MIPEP: variants seen among roughly 807,000 people sequenced by gnomAD.
MIPEP encodes the protein mitochondrial intermediate peptidase.
A neutral mutation model predicts 90.3 loss-of-function variants in MIPEP; 79 were observed. The ratio of observed to expected loss-of-function variants is 0.87; its 90% CI spans 0.73 to 1.05. The LOEUF is 1.05. MIPEP is among the 50% of genes least tolerant of loss of function. The pLI, the probability that MIPEP is intolerant of heterozygous loss-of-function variation, is 0.00. For synonymous variants in MIPEP, 334 were observed against 315.8 expected, an observed-to-expected ratio of 1.06 and a Z score of -0.61; for missense variants, 940 against 905.6, an observed-to-expected ratio of 1.04 and a Z score of -0.49.
intron 10 of MIPEP, among the ~76,000 whole-genome samples, chr13:23,850,704 G>A (rs1869762715): frequency 6.6e-6 from 1 of 152,210 alleles, no homozygotes; most frequent in African/African-American, 2.4e-5. Context: ...TCGCCATAGA[G>A]GCTGGGGCCA....
chr13:23,832,050 AGC>A (rs1198817873), intron 14 of MIPEP, among the ~76,000 whole-genome samples: 2 of 152,300 alleles, frequency 1.3e-5, no homozygotes, highest in East Asian at 3.9e-4. Context: ...TTGAAATTTA[AGC>A]CCCAATGGGG....
chr13:23,832,634 C>T (rs1157530980), intron 14 of MIPEP, among the ~76,000 whole-genome samples: 1 of 152,130 alleles, frequency 6.6e-6, no homozygotes, highest in Non-Finnish European at 1.5e-5. Flanking sequence ...TCTACAAGCA[C>T]TGAGAAGAGA....
At chr13:23,780,883 G>A (rs1326154977) in intron 16 of MIPEP, among the ~76,000 whole-genome samples, 1 of 152,126 alleles carries the variant, frequency 6.6e-6, no homozygotes, top group African/African-American at 2.4e-5. Context: ...ATGAAATGAA[G>A]CGAGAAGAGA....
intron 18 of MIPEP, among the ~76,000 whole-genome samples, chr13:23,751,470 C>G (rs1952439930): frequency 6.6e-6 from 1 of 152,184 alleles, no homozygotes; most frequent in African/African-American, 2.4e-5. Context: ...TCCATCTGAT[C>G]TGATGTTTGG....
Position 23,805,902 on chromosome 13 carries a change from T to G in MIPEP, c.1848+48A>C, listed in dbSNP as rs776347018. 3 of 1,597,936 alleles carry G rather than the reference T, an allele frequency of 1.9e-6. No individual in the cohort carries two copies. The South Asian group carries it at 3.4e-5, about 18-fold the overall frequency. On this transcript the variant is annotated intron_variant, in intron 16 of 18. Coordinates refer to ENST00000382172, the MANE Select transcript of MIPEP (RefSeq NM_005932.4). Reference sequence around the variant, plus strand: ...AGATAATCACAAGCTACAGAAGTAATAGCAGAACCACTCAATACACAAAAC... The same window carrying G: ...AGATAATCACAAGCTACAGAAGTAAGAGCAGAACCACTCAATACACAAAAC...
At chr13:23,825,222 A>T (rs1953352401) in intron 14 of MIPEP, among the ~76,000 whole-genome samples, 1 of 152,244 alleles carries the variant, frequency 6.6e-6, no homozygotes, top group African/African-American at 2.4e-5. Context: ...TTGTCTAGAC[A>T]TAATTGAGAA....
At chr13:23,829,083 C>G (rs1868611550) in intron 14 of MIPEP, among the ~76,000 whole-genome samples, 1 of 152,166 alleles carries the variant, frequency 6.6e-6, no homozygotes, top group Non-Finnish European at 1.5e-5. Context: ...GGGTAAATTA[C>G]TCACTAAATG....
chr13:23,882,570 T>C (rs1157530146), intron 2 of MIPEP, among the ~76,000 whole-genome samples: 1 of 152,210 alleles, frequency 6.6e-6, no homozygotes, highest in African/African-American at 2.4e-5. Context: ...GAGTGACAGT[T>C]CTTTTTTAAA....
At chr13:23,739,543 T>G (rs565013990) in intron 18 of MIPEP, among the ~76,000 whole-genome samples, 2 of 152,332 alleles carry the variant, frequency 1.3e-5, no homozygotes, top group African/African-American at 4.8e-5. Flanking sequence ...AGGGAGCCAT[T>G]TCTCAAGGAA....
chr13:23,823,093 A>C (rs1953328272), intron 14 of MIPEP, among the ~76,000 whole-genome samples: 1 of 152,192 alleles, frequency 6.6e-6, no homozygotes, highest in African/African-American at 2.4e-5. Context: ...TGACTTAGAA[A>C]AAGAAACAGT....
chr13:23,757,599 AG>A (rs1363420320), intron 17 of MIPEP, among the ~76,000 whole-genome samples: 2 of 152,192 alleles, frequency 1.3e-5, no homozygotes, highest in African/African-American at 4.8e-5. Context: ...TGGCAGGAAA[AG>A]GTTAATTACA....
intron 18 of MIPEP, among the ~76,000 whole-genome samples, chr13:23,744,333 C>T (rs1179016655): frequency 2.0e-5 from 3 of 152,252 alleles, no homozygotes; most frequent in South Asian, 4.2e-4. Flanking sequence ...TCACTGTATT[C>T]CCAACAAGGC....
chr13:23,756,834 G>T (rs796496239), intron 17 of MIPEP: 8 of 554,480 alleles, frequency 1.4e-5, no homozygotes, highest in Non-Finnish European at 2.2e-5. Flanking sequence ...CCTGTAAGAG[G>T]ATAACTATAC....
chr13:23,780,718 C>T (rs1244025534), intron 16 of MIPEP, among the ~76,000 whole-genome samples: 7 of 152,182 alleles, frequency 4.6e-5, no homozygotes, highest in Middle Eastern at 3.4e-3. Flanking sequence ...AAAGATTAGA[C>T]GAATGGCTAA....
chr13:23,857,646 C>T (rs1273058491), intron 10 of MIPEP, among the ~76,000 whole-genome samples: 1 of 152,094 alleles, frequency 6.6e-6, no homozygotes, highest in African/African-American at 2.4e-5. Flanking sequence ...GGTTAGGACA[C>T]AATTATGCCT....
At chr13:23,791,212 T>C (rs868816823) in intron 16 of MIPEP, among the ~76,000 whole-genome samples, 11 of 152,124 alleles carry the variant, frequency 7.2e-5, no homozygotes, top group Non-Finnish European at 1.0e-4. Context: ...CTACATTCAC[T>C]TGGCAAAACC....
chr13:23,775,109 CTGTGTGTGTGTGTGTGTGTGTG>C (rs57354012), intron 16 of MIPEP, among the ~76,000 whole-genome samples: 1 of 149,094 alleles, frequency 6.7e-6, no homozygotes, highest in East Asian at 2.0e-4. Flanking sequence ...TATCAGTTCT[CTGTGTGTGTGTGTGTGTGTGTG>C]TGTGTGTGTG....
chr13:23,823,078 A>G, intron 14 of MIPEP, among the ~76,000 whole-genome samples: 1 of 152,108 alleles, frequency 6.6e-6, no homozygotes, highest in Admixed American at 6.5e-5. Flanking sequence ...GAAGTTTTAG[A>G]TACCTGACTT....
chr13:23,738,266 C>T (rs1952286067), intron 18 of MIPEP, among the ~76,000 whole-genome samples: 1 of 151,978 alleles, frequency 6.6e-6, no homozygotes, highest in South Asian at 2.1e-4. Flanking sequence ...CTGAATGTGC[C>T]CCAACACAAA....
Sources: gnomAD v4.1 joint callset for allele counts (sites outside exome capture counted in the v4.1 genomes callset) on GRCh38, gnomAD v4.1.1 for gene constraint, MANE v1.5 for transcripts, NCBI Gene and HGNC (gene_info 2026-07-23, HGNC 2026-07-21) for gene names.